The following RTTN variants were observed in gnomAD, a reference collection of about 807,000 sequenced individuals.
RTTN encodes the protein rotatin.
RTTN carries 182 observed loss-of-function variants against 269.2 expected under a neutral mutation model. The observed-to-expected ratio is 0.68, with a 90% CI of 0.60 to 0.76. The LOEUF is 0.76. RTTN is among the 30% of genes least tolerant of loss of function. RTTN has a pLI of 0.00. For synonymous variants in RTTN, 1,006 were observed against 963.5 expected, an observed-to-expected ratio of 1.04 and a Z score of -0.82; for missense variants, 2,545 against 2,608.6, an observed-to-expected ratio of 0.98 and a Z score of 0.53.
chr18:70,173,219 GC>G (rs1222071717), intron 11 of RTTN, among the ~76,000 whole-genome samples: 1 of 152,116 alleles, frequency 6.6e-6, no homozygotes, highest in Non-Finnish European at 1.5e-5. Context: ...TTTGGGCCAG[GC>G]GCGGTGGCTC....
intron 11 of RTTN, among the ~76,000 whole-genome samples, chr18:70,173,491 CAAAAAAA>C (rs397974179): frequency 5.1e-3 from 247 of 48,486 alleles, no homozygotes; most frequent in South Asian, 9.1e-3. Context: ...GACTCCAACT[CAAAAAAA>C]AAAAAAAAAA....
In RTTN at chr18:70,194,174, T is replaced by C. The variant is rs139991334; in HGVS notation, c.842-721A>G. On this transcript the variant is annotated intron_variant, in intron 7 of 48. Transcript: ENST00000640769. ...GATACATGAACAAACAATAAGCACA[T>C]AAAAAGTTATTAGAGATTCATTGGT... 262 of 152,264 alleles carry C rather than the reference T, an allele frequency of 1.7e-3. 2 individuals are homozygous for C. The highest frequency in any genetic ancestry group is 6.1e-3 in the African/African-American group (253 of 41,550). 9.4% of individuals were successfully genotyped at this position (152,264 alleles called of 1,614,324 possible).
chr18:70,031,999 T>C (rs1423839198), intron 40 of RTTN, among the ~76,000 whole-genome samples: 4 of 152,148 alleles, frequency 2.6e-5, no homozygotes, highest in South Asian at 2.1e-4. Context: ...TGGACCACCA[T>C]GGACATTTGA....
chr18:70,201,859 A>G (rs746601974), intron 4 of RTTN, 35 bp downstream of exon 4: 3 of 1,316,302 alleles, frequency 2.3e-6, no homozygotes, highest in Non-Finnish European at 3.2e-6. Flanking sequence ...TCAACTTCCC[A>G]AGTCAACAGG....
At chr18:70,176,626 T>C in intron 11 of RTTN, 49 bp downstream of exon 11, 1 of 1,487,786 alleles carries the variant, frequency 6.7e-7, no homozygotes. Flanking sequence ...ACAGAGCATT[T>C]ATTTATAATA....
At chr18:70,086,474 A>T in intron 32 of RTTN, 139 bp downstream of exon 32, 2 of 748,940 alleles carry the variant, frequency 2.7e-6, no homozygotes, top group South Asian at 3.5e-5. Context: ...ATAAGAACAA[A>T]TTCTACGTTC....
At chr18:70,110,562 A>C (rs913408951) in intron 27 of RTTN, among the ~76,000 whole-genome samples, 2 of 152,186 alleles carry the variant, frequency 1.3e-5, no homozygotes, top group Admixed American at 1.3e-4. Flanking sequence ...CGCAACCTAC[A>C]AACCAGGAGA....
At chr18:70,010,624 A>C (rs1185047714) in intron 46 of RTTN, among the ~76,000 whole-genome samples, 1 of 152,248 alleles carries the variant, frequency 6.6e-6, no homozygotes, top group East Asian at 1.9e-4. Context: ...AAATGCTCAC[A>C]GGTGAAAGGG....
chr18:70,127,712 T>C lies in RTTN; in HGVS notation c.3173A>G (p.Glu1058Gly). The C allele has an allele frequency of 6.2e-7, 1 of 1,612,486 alleles. No individual in the cohort carries two copies. The highest frequency in any genetic ancestry group is 8.5e-7 in the Non-Finnish European group (1 of 1,179,004). Residue 1058 changes from glutamate (E) to glycine (G), a missense_variant, in exon 25 of 49, where the codon GAG becomes GGG. Coordinates refer to ENST00000640769, the MANE Select transcript of RTTN (RefSeq NM_173630.4). ...EILDALKLST[E>G]DILTLKITHM... Reference sequence around the variant, plus strand: ...TGTTATCTTCAGAGTGAGGATGTCCTCTGTAGATAACTTCAATGCATCTAA... The same window carrying C: ...TGTTATCTTCAGAGTGAGGATGTCCCCTGTAGATAACTTCAATGCATCTAA...
chr18:70,204,576 C>T (rs920844509), intron 2 of RTTN, among the ~76,000 whole-genome samples: 5 of 152,104 alleles, frequency 3.3e-5, no homozygotes, highest in African/African-American at 4.8e-5. Context: ...ATGGTCCCAG[C>T]CCCAACCGGT....
At chr18:70,128,332 C>T (rs781657104) in intron 24 of RTTN, 26 bp downstream of exon 24, 60 of 1,560,016 alleles carry the variant, frequency 3.8e-5, no homozygotes, top group Non-Finnish European at 4.6e-5. Context: ...ATTGCAAATG[C>T]TTTTTAAACT....
chr18:70,048,837 G>C (rs1345690807), intron 39 of RTTN, among the ~76,000 whole-genome samples: 2 of 151,334 alleles, frequency 1.3e-5, no homozygotes, highest in African/African-American at 2.4e-5. Flanking sequence ...AATGTATATG[G>C]GCATATGAGA....
At chr18:70,137,901 G>A (rs1161401828) in intron 21 of RTTN, among the ~76,000 whole-genome samples, 1 of 152,134 alleles carries the variant, frequency 6.6e-6, no homozygotes, top group Non-Finnish European at 1.5e-5. Flanking sequence ...TAACCCAAGG[G>A]CCTAGCATTG....
chr18:70,090,409 T>C (rs916461237), intron 30 of RTTN, among the ~76,000 whole-genome samples: 2 of 87,902 alleles, frequency 2.3e-5, no homozygotes, highest in African/African-American at 5.1e-5. Flanking sequence ...TAATACAAAA[T>C]ACATAAATGT....
rs1410728323 is a variant in RTTN, at chr18:70,114,471, C to T, written c.3657G>A (p.Leu1219=). The stretch of plus-strand genomic sequence containing the variant: ...TGTCAGTAACTTCCATGAAATTGAG[C>T]AGCAAGGTATCAAAAAGAGCAATCA... ...KELIALFDTL[L]LNFMEVTDRK... The change falls in exon 27 of 49, where the codon CTG becomes CTA. Residue 1219 remains leucine (L), a synonymous_variant. Coordinates refer to ENST00000640769, the MANE Select transcript of RTTN (RefSeq NM_173630.4). 2 of 1,613,036 alleles carry T rather than the reference C, an allele frequency of 1.2e-6. No individual in the cohort carries two copies. The highest frequency in any genetic ancestry group is 1.1e-5 in the South Asian group (1 of 90,954).
At chr18:70,070,004 A>G (rs2058252261) in intron 34 of RTTN, among the ~76,000 whole-genome samples, 1 of 152,236 alleles carries the variant, frequency 6.6e-6, no homozygotes, top group Non-Finnish European at 1.5e-5. Context: ...TTCTAACCAA[A>G]TTATAACAAG....
rs368522402 is a variant in RTTN at position 70,017,606 on chromosome 18, C to G, written c.6222G>C (p.Leu2074=). The part of the protein sequence containing the change: ...PKGGNKHLSN[L]TILWLKLLLN... ...GGAGTAACTTCAACCAAAGAATAGT[C>G]AGATTACTTAGATGTTTATTTCCTC... Residue 2074 remains leucine (L), a synonymous_variant, in exon 46 of 49, where the codon CTG becomes CTC. Coordinates refer to ENST00000640769, the MANE Select transcript of RTTN (RefSeq NM_173630.4). 222 of 1,613,672 alleles carry G rather than the reference C, an allele frequency of 1.4e-4. No homozygotes were observed. Among genetic ancestry groups the G allele is most frequent in the Non-Finnish European group, 1.9e-4 (221 of 1,179,784 alleles).
chr18:70,140,765 T>C (rs1196770164), intron 19 of RTTN, among the ~76,000 whole-genome samples: 1 of 152,160 alleles, frequency 6.6e-6, no homozygotes, highest in Non-Finnish European at 1.5e-5. Context: ...AAAGAAGTTT[T>C]TGTATATACA....
Position 70,020,638 on chromosome 18 carries a change from C to A in RTTN, c.6130G>T (p.Asp2044Tyr). 6.2e-7 allele frequency: 1 copy of A among 1,613,966 alleles called. No homozygotes were observed. The highest frequency in any genetic ancestry group is 8.5e-7 in the Non-Finnish European group (1 of 1,179,876). Residue 2044 changes from aspartate to tyrosine, a missense_variant, in exon 45 of 49, where the codon GAC (aspartate) becomes TAC (tyrosine). Transcript: ENST00000640769. ...MLLSNLALSH[D>Y]CKGVIQKSNF... Reference sequence around the variant, plus strand: ...ACCTTCTGAATTACTCCTTTACAGTCATGCGACAAGGCCAGGTTTGAAAGA... The same window carrying A: ...ACCTTCTGAATTACTCCTTTACAGTAATGCGACAAGGCCAGGTTTGAAAGA...
Sources: gnomAD v4.1 joint callset for allele counts (sites outside exome capture counted in the v4.1 genomes callset) on GRCh38, gnomAD v4.1.1 for gene constraint, MANE v1.5 for transcripts, NCBI Gene and HGNC (gene_info 2026-07-23, HGNC 2026-07-21) for gene names.